The following FAM13A variants were observed in gnomAD, a reference collection of about 807,000 sequenced individuals.
FAM13A encodes the protein family with sequence similarity 13 member A, also known as protein FAM13A.
In FAM13A, 76 loss-of-function variants were observed where a neutral mutation model predicts 129.6. The observed-to-expected ratio is 0.59, with a 90% CI of 0.49 to 0.71. The LOEUF is 0.71. FAM13A is among the 30% of genes least tolerant of loss of function. FAM13A has a pLI of 0.00. For synonymous variants in FAM13A, 443 were observed against 449.9 expected, an observed-to-expected ratio of 0.98 and a Z score of 0.20; for missense variants, 1,108 against 1,249.3, an observed-to-expected ratio of 0.89 and a Z score of 1.70.
chr4:88,976,416 T>C (rs1336005294), intron 4 of FAM13A, among the ~76,000 whole-genome samples: 5 of 152,178 alleles, frequency 3.3e-5, no homozygotes, highest in Non-Finnish European at 7.4e-5. Context: ...TAGTCCTCTA[T>C]GATCTGCAGG....
At chr4:89,049,030 T>G (rs1771218100) in intron 1 of FAM13A, among the ~76,000 whole-genome samples, 3 of 152,264 alleles carry the variant, frequency 2.0e-5, no homozygotes, top group African/African-American at 7.2e-5. Flanking sequence ...AAGATTATTC[T>G]TGCCATCATT....
chr4:88,749,694 G>C lies in FAM13A; in HGVS notation c.2079+77C>G, dbSNP rs559888376. On this transcript the variant is annotated intron_variant, in intron 16 of 23. Transcript: ENST00000264344. ...TAGAAGCCTCCCTTAACCTTTCGTCGTTTCTTTGAGTTGCTGAAATGCTGC... is the reference window on the plus strand; with the variant it reads ...TAGAAGCCTCCCTTAACCTTTCGTCCTTTCTTTGAGTTGCTGAAATGCTGC... 5 of 1,503,664 alleles carry C rather than the reference G, an allele frequency of 3.3e-6. No homozygotes were observed. In the South Asian group the frequency reaches 4.9e-5, roughly 15 times the overall value. 93.1% of individuals were successfully genotyped at this position (1,503,664 alleles called of 1,614,324 possible). A position where few individuals can be genotyped will look rare whatever the true frequency, so the allele number is the denominator to read the frequency against.
At chr4:88,960,278 T>TA (rs1213492019) in intron 4 of FAM13A, among the ~76,000 whole-genome samples, 1 of 152,242 alleles carries the variant, frequency 6.6e-6, no homozygotes, top group Non-Finnish European at 1.5e-5. Context: ...TTTGCTTTAT[T>TA]AAAAAATAAC....
chr4:88,900,872 C>A (rs1747182798), intron 6 of FAM13A, among the ~76,000 whole-genome samples: 1 of 152,050 alleles, frequency 6.6e-6, no homozygotes, highest in Non-Finnish European at 1.5e-5. Context: ...AGAGTCAAGA[C>A]CCATCAGTAT....
intron 2 of FAM13A, among the ~76,000 whole-genome samples, chr4:89,022,043 G>C (rs1049099933): frequency 1.3e-5 from 2 of 152,116 alleles, no homozygotes; most frequent in Non-Finnish European, 1.5e-5. Context: ...AGAAAGAGCA[G>C]GCCAGGATTT....
chr4:88,859,620 T>C (rs1739146767), intron 6 of FAM13A, among the ~76,000 whole-genome samples: 1 of 152,104 alleles, frequency 6.6e-6, no homozygotes, highest in South Asian at 2.1e-4. Flanking sequence ...AGAGGAAGCA[T>C]GAAGGGCTTG....
intron 3 of FAM13A, among the ~76,000 whole-genome samples, chr4:88,992,031 C>T (rs765626261): frequency 6.6e-6 from 1 of 152,176 alleles, no homozygotes; most frequent in Non-Finnish European, 1.5e-5. Flanking sequence ...TAGCCATAAT[C>T]TGTCCTGACC....
At position 88,732,018 on chromosome 4, in the gene FAM13A, G is replaced by A; in HGVS notation, c.2827C>T (p.Leu943Phe). The A allele has an allele frequency of 6.2e-7, 1 of 1,611,604 alleles. No individual in the cohort carries two copies. The highest frequency in any genetic ancestry group is 1.1e-5 in the South Asian group (1 of 90,520). Residue 943 changes from leucine (L) to phenylalanine (F), a missense_variant, in exon 22 of 24, where the codon CTC (leucine) becomes TTC (phenylalanine). Physicochemically the swap from Leu to Phe is conservative, Grantham distance 22. Around this residue, in one of 3 missense-constraint regions of FAM13A, gnomAD observed 529 missense variants for 621.2 expected, o/e 0.85. Transcript: ENST00000264344. ...KCSQDTGLSN[L>F]HAASIPELLE... ...ATGACATACATTGAGGCAGCATGGA[G>A]ATTTGAAAGCCCTGTGTCCTGGCTG...
At chr4:88,960,590 G>A (rs1011196190) in intron 4 of FAM13A, among the ~76,000 whole-genome samples, 1 of 152,140 alleles carries the variant, frequency 6.6e-6, no homozygotes, top group Non-Finnish European at 1.5e-5. Context: ...GAAGTATTAA[G>A]ATGACTATGT....
At position 88,726,099 on chromosome 4, in the gene FAM13A, G is replaced by GTCTT. The variant is rs1395369141; in HGVS notation, c.*2430_*2433dup. 1.3e-5 allele frequency: 2 copies of GTCTT among 152,140 alleles called. No homozygotes were observed. The highest frequency in any genetic ancestry group is 4.1e-4 in the South Asian group (2 of 4,830). The allele number at this position is 152,140 out of a possible 1,614,324, so 9.4% of individuals were successfully genotyped here. ...GAAAAATCCCAGTCCAGAGCATTTT[G>GTCTT]TCTTTGTGAAGCCAATTAATTAAGA... is the stretch of plus-strand genomic sequence containing the variant. On this transcript the variant is annotated 3_prime_UTR_variant, in exon 24 of 24. Transcript: ENST00000264344.
At chr4:89,017,907 C>A (rs1396014309) in intron 3 of FAM13A, among the ~76,000 whole-genome samples, 1 of 152,032 alleles carries the variant, frequency 6.6e-6, no homozygotes, top group Non-Finnish European at 1.5e-5. Flanking sequence ...CGTTGACAAC[C>A]AGAACAAACT....
intron 14 of FAM13A, among the ~76,000 whole-genome samples, chr4:88,757,984 A>T (rs1744028005): frequency 2.0e-5 from 3 of 152,182 alleles, no homozygotes; most frequent in African/African-American, 7.2e-5. Flanking sequence ...CGTCACGCAC[A>T]TACTGTATAG....
chr4:88,944,024 T>C (rs1465439075), intron 4 of FAM13A, among the ~76,000 whole-genome samples: 1 of 152,212 alleles, frequency 6.6e-6, no homozygotes, highest in Non-Finnish European at 1.5e-5. Context: ...AAAACTATAC[T>C]ATGTTTTATT....
chr4:89,037,879 G>A (rs1463920895), intron 1 of FAM13A, among the ~76,000 whole-genome samples: 1 of 152,118 alleles, frequency 6.6e-6, no homozygotes, highest in Non-Finnish European at 1.5e-5. Context: ...TACCACTATG[G>A]TTGTAAGTTT....
chr4:89,052,274 CT>C (rs55740292), intron 1 of FAM13A, among the ~76,000 whole-genome samples: 1 of 144,472 alleles, frequency 6.9e-6, no homozygotes, highest in Non-Finnish European at 1.5e-5. Context: ...TTTCTTTTTT[CT>C]TTTTTCTTTT....
intron 6 of FAM13A, among the ~76,000 whole-genome samples, chr4:88,870,099 A>G (rs983857840): frequency 1.9e-4 from 28 of 147,908 alleles, no homozygotes; most frequent in Non-Finnish European, 4.4e-5. Flanking sequence ...TTTTTCCTTA[A>G]AGTAACTAAA....
chr4:88,743,646 A>G (rs548969578), intron 19 of FAM13A, among the ~76,000 whole-genome samples: 2 of 152,312 alleles, frequency 1.3e-5, no homozygotes, highest in East Asian at 3.9e-4. Context: ...TCAATAGCGC[A>G]TCAATACAGC....
intron 6 of FAM13A, among the ~76,000 whole-genome samples, chr4:88,867,075 C>T (rs1489934351): frequency 6.6e-6 from 1 of 152,162 alleles, no homozygotes; most frequent in Non-Finnish European, 1.5e-5. Context: ...AATACCGAAT[C>T]ATTGCCCCTA....
intron 5 of FAM13A, among the ~76,000 whole-genome samples, chr4:88,911,053 ATAGTAGGAGCTCAATTGTTGAGT>A (rs2150255261): frequency 6.6e-6 from 1 of 152,360 alleles, no homozygotes; most frequent in African/African-American, 2.4e-5. Flanking sequence ...GGTTTGGCAC[ATAGTAGGAGCTCAATTGTTGAGT>A]GACTGAGTAA....
Sources: allele counts gnomAD v4.1 joint callset (sites outside exome capture counted in the v4.1 genomes callset), GRCh38; gene constraint gnomAD v4.1.1; regional missense constraint gnomAD v4.1.1; transcripts MANE v1.5; gene names NCBI Gene and HGNC (gene_info 2026-07-23, HGNC 2026-07-21).